The following CTPS2 variants were observed in gnomAD, a reference collection of about 807,000 sequenced individuals.
CTPS2 encodes the protein CTP synthase 2.
A neutral mutation model predicts 46.8 loss-of-function variants in CTPS2; 19 were observed. That is an observed-to-expected ratio of 0.41 (90% confidence interval 0.28 to 0.60). The LOEUF (loss-of-function observed/expected upper bound fraction) is 0.60. Among genes scored for constraint, CTPS2 ranks in the 20% least tolerant of loss-of-function variants. The pLI is 0.35. For synonymous variants in CTPS2, 151 were observed against 165.2 expected (o/e 0.91, Z 0.66); for missense variants, 286 against 447.6 (o/e 0.64, Z 3.26).
At chrX:16,681,247 T>C (rs1922720707) in intron 9 of CTPS2, among the ~76,000 whole-genome samples, 1 of 111,197 alleles carries the variant, frequency 9.0e-6, no homozygotes, top group South Asian at 3.7e-4. Flanking sequence ...AAAAAGTGAT[T>C]AGGAAAGAAG....
intron 5 of CTPS2, 50 bp downstream of exon 5, chrX:16,693,321 T>C: frequency 9.3e-7 from 1 of 1,073,112 alleles, no homozygotes. Flanking sequence ...TAGAATATCA[T>C]AGGAAAACTT....
chrX:16,664,837 C>T (rs1364349161), intron 13 of CTPS2, among the ~76,000 whole-genome samples: 1 of 111,536 alleles, frequency 9.0e-6, no homozygotes, highest in Non-Finnish European at 1.9e-5. Flanking sequence ...TGGGCAGGAG[C>T]TCCCACATAC....
At chrX:16,690,249 T>C (rs1216720646) in intron 7 of CTPS2, among the ~76,000 whole-genome samples, 2 of 108,692 alleles carry the variant, frequency 1.8e-5, no homozygotes, top group African/African-American at 6.7e-5. Context: ...CACACACCTA[T>C]AATCCCAGCT....
At chrX:16,680,801 A>G (rs1922679705) in intron 9 of CTPS2, among the ~76,000 whole-genome samples, 1 of 111,347 alleles carries the variant, frequency 9.0e-6, no homozygotes, top group South Asian at 3.7e-4. Context: ...CACGCCTGTA[A>G]TCCTAGCACT....
At chrX:16,600,234 A>T (rs903578076) in intron 17 of CTPS2, among the ~76,000 whole-genome samples, 2 of 112,193 alleles carry the variant, frequency 1.8e-5, no homozygotes, top group Admixed American at 9.5e-5. Context: ...CGCTACCCCA[A>T]GGCAGCTGTT....
At chrX:16,668,752 A>AGAAG (rs1181255742) in intron 11 of CTPS2, among the ~76,000 whole-genome samples, 3 of 84,874 alleles carry the variant, frequency 3.5e-5, no homozygotes, top group Admixed American at 2.6e-4. Flanking sequence ...AAAGAAAGAA[A>AGAAG]GAAGGAAGGA....
chrX:16,628,000 C>A (rs1025214039), intron 14 of CTPS2, among the ~76,000 whole-genome samples: 2 of 111,469 alleles, frequency 1.8e-5, no homozygotes, highest in African/African-American at 6.5e-5. Flanking sequence ...CTTAACTTTG[C>A]TAAGATTCCT....
chrX:16,672,863 A>AGGATTTGT (rs1459539409), intron 10 of CTPS2, among the ~76,000 whole-genome samples: 1 of 106,923 alleles, frequency 9.4e-6, no homozygotes, highest in Non-Finnish European at 1.9e-5. Flanking sequence ...AATGGTAAAA[A>AGGATTTGT]GGATTTGTGA....
intron 11 of CTPS2, among the ~76,000 whole-genome samples, chrX:16,668,761 GAAGGAAGGA>G (rs1921440106): frequency 1.3e-5 from 1 of 79,721 alleles, no homozygotes; most frequent in South Asian, 7.0e-4. Context: ...AAGAAGGAAG[GAAGGAAGGA>G]AAGGAAGGAA....
intron 10 of CTPS2, 49 bp downstream of exon 10, chrX:16,678,313 A>G: frequency 2.4e-6 from 2 of 830,899 alleles, no homozygotes; most frequent in Non-Finnish European, 3.6e-6. Flanking sequence ...ATTACAGAAA[A>G]AGTACAATGG....
At chrX:16,605,144 C>T (rs959177676) in intron 17 of CTPS2, among the ~76,000 whole-genome samples, 2 of 111,490 alleles carry the variant, frequency 1.8e-5, no homozygotes, top group African/African-American at 6.5e-5. Context: ...ATGGTGAACA[C>T]CTGCTTTCCC....
chrX:16,593,011 A>C (rs1468431484), intron 17 of CTPS2, among the ~76,000 whole-genome samples: 1 of 111,441 alleles, frequency 9.0e-6, no homozygotes. Context: ...GTTCCAAATA[A>C]ATCAGCACAC....
chrX:16,683,161 C>T lies in CTPS2; in HGVS notation c.938G>A (p.Cys313Tyr). The T allele has an allele frequency of 9.9e-6, 12 of 1,209,671 alleles. No homozygotes were observed. The highest frequency in any genetic ancestry group is 1.3e-5 in the Non-Finnish European group (12 of 893,529). Residue 313 changes from cysteine (C) to tyrosine (Y), a missense_variant, in exon 9 of 19, where the codon TGC (cysteine) becomes TAC (tyrosine). By Grantham distance (194) the Cys-to-Tyr change is radical. Transcript: ENST00000359276. ...CAGGGCTTTGAACACAGAGGCGTAGCAGTCTCTGAGCTTGGTGTATTTGCC... is the reference window on the plus strand; with the variant it reads ...CAGGGCTTTGAACACAGAGGCGTAGTAGTCTCTGAGCTTGGTGTATTTGCC... ...LVGKYTKLRD[C>Y]YASVFKALEH...
At chrX:16,677,872 T>C (rs1344006094) in intron 10 of CTPS2, among the ~76,000 whole-genome samples, 2 of 111,481 alleles carry the variant, frequency 1.8e-5, no homozygotes, top group Non-Finnish European at 3.8e-5. Context: ...ATTCATCCCT[T>C]CTTTAGCATG....
intron 13 of CTPS2, among the ~76,000 whole-genome samples, chrX:16,651,804 A>G (rs766740918): frequency 8.9e-6 from 1 of 111,985 alleles, no homozygotes; most frequent in Admixed American, 9.5e-5. Flanking sequence ...TACAGAGAAG[A>G]GCTGATCGTC....
At chrX:16,614,044 G>C (rs925008629) in intron 16 of CTPS2, among the ~76,000 whole-genome samples, 2 of 111,726 alleles carry the variant, frequency 1.8e-5, no homozygotes, top group Non-Finnish European at 3.8e-5. Flanking sequence ...CACACTGGAA[G>C]AAGATGAATT....
intron 10 of CTPS2, among the ~76,000 whole-genome samples, chrX:16,671,052 T>C (rs1921704509): frequency 1.8e-5 from 2 of 110,890 alleles, no homozygotes; most frequent in Non-Finnish European, 3.8e-5. Flanking sequence ...TCAGAAAGAG[T>C]TAAATTGGAA....
At chrX:16,639,044 C>T in intron 14 of CTPS2, 103 bp downstream of exon 14, 1 of 618,261 alleles carries the variant, frequency 1.6e-6, no homozygotes, top group Non-Finnish European at 2.8e-6. Context: ...TCCGAGGATG[C>T]TGGAAGGGGC....
rs151242794 is a variant in CTPS2, at chrX:16,619,719, C to T, written c.1449+558G>A. Among the ~76,000 whole-genome samples, 30 of 112,004 alleles carry T rather than the reference C, an allele frequency of 2.7e-4. 1 individual carries two copies. Among genetic ancestry groups the T allele is most frequent in the African/African-American group, 7.5e-4 (23 of 30,847 alleles). On this transcript the variant is annotated intron_variant, in intron 15 of 18. Transcript: ENST00000359276. ...TAATTGACACACTCATTAATCCTGG[C>T]ATAGACGATCTACATTTCGAGAAAT...
Sources: allele counts gnomAD v4.1 joint callset (sites outside exome capture counted in the v4.1 genomes callset), GRCh38; gene constraint gnomAD v4.1.1; transcripts MANE v1.5; gene names NCBI Gene and HGNC (gene_info 2026-07-23, HGNC 2026-07-21).